PRKG1: variants seen among roughly 807,000 people sequenced by gnomAD.
The protein encoded by PRKG1 is cGMP-dependent protein kinase 1.
PRKG1 carries 35 observed loss-of-function variants against 88.1 expected under a neutral mutation model. That is an observed-to-expected ratio of 0.40 (90% confidence interval 0.30 to 0.53). The LOEUF is 0.53. PRKG1 is among the 20% of genes least tolerant of loss of function. The pLI is 0.59. For synonymous variants in PRKG1, 303 were observed against 292.5 expected, an observed-to-expected ratio of 1.04 and a Z score of -0.37; for missense variants, 540 against 839.8, an observed-to-expected ratio of 0.64 and a Z score of 4.41.
At chr10:52,018,039 A>T (rs2133185143) in intron 5 of PRKG1, among the ~76,000 whole-genome samples, 1 of 151,378 alleles carries the variant, frequency 6.6e-6, no homozygotes, top group Middle Eastern at 3.4e-3. Context: ...CTAATTACGC[A>T]GTATTTTTTG....
intron 4 of PRKG1, among the ~76,000 whole-genome samples, chr10:51,895,606 G>A (rs1841825395): frequency 6.6e-6 from 1 of 152,126 alleles, no homozygotes; most frequent in Non-Finnish European, 1.5e-5. Context: ...GGATCCATCT[G>A]TAGGGCAGTT....
At chr10:52,191,610 C>A (rs1292286615) in intron 9 of PRKG1, among the ~76,000 whole-genome samples, 1 of 152,102 alleles carries the variant, frequency 6.6e-6, no homozygotes. Flanking sequence ...GACTTGTTTT[C>A]TACTTTTTGG....
chr10:51,598,793 T>C (rs1312037836), intron 3 of PRKG1, among the ~76,000 whole-genome samples: 1 of 152,110 alleles, frequency 6.6e-6, no homozygotes, highest in African/African-American at 2.4e-5. Flanking sequence ...GAGGTAGATA[T>C]TGAGATGGTA....
chr10:51,594,967 C>G (rs1057281881), intron 3 of PRKG1, among the ~76,000 whole-genome samples: 2 of 152,116 alleles, frequency 1.3e-5, no homozygotes, highest in African/African-American at 4.8e-5. Context: ...AAGGGTCTTT[C>G]AGTTTTTAAA....
intron 1 of PRKG1, among the ~76,000 whole-genome samples, chr10:51,112,864 T>G (rs1845011490): frequency 6.6e-6 from 1 of 152,210 alleles, no homozygotes; most frequent in African/African-American, 2.4e-5. Flanking sequence ...TAGACTAGTT[T>G]GACATAGTAT....
At chr10:52,276,287 C>T (rs1841873288) in intron 12 of PRKG1, among the ~76,000 whole-genome samples, 1 of 152,076 alleles carries the variant, frequency 6.6e-6, no homozygotes. Flanking sequence ...ATGCTTTCAA[C>T]TTTTCTCCAT....
chr10:51,655,389 A>G (rs909996997), intron 3 of PRKG1, among the ~76,000 whole-genome samples: 2 of 152,172 alleles, frequency 1.3e-5, no homozygotes, highest in African/African-American at 2.4e-5. Flanking sequence ...CTTTGTAAAC[A>G]TTGAATGGTA....
intron 1 of PRKG1, among the ~76,000 whole-genome samples, chr10:51,151,298 A>G (rs550084876): frequency 6.6e-6 from 1 of 152,160 alleles, no homozygotes; most frequent in South Asian, 2.1e-4. Flanking sequence ...TCTTGAGACC[A>G]GGAGTGGTGA....
intron 8 of PRKG1, among the ~76,000 whole-genome samples, chr10:52,142,431 A>G (rs1425823748): frequency 6.6e-6 from 1 of 152,210 alleles, no homozygotes. Context: ...AATAAATCGT[A>G]TGATAGTCCA....
At chr10:51,350,128 A>G (rs1291240585) in intron 2 of PRKG1, among the ~76,000 whole-genome samples, 3 of 152,206 alleles carry the variant, frequency 2.0e-5, no homozygotes, top group East Asian at 1.9e-4. Context: ...TTGCCATATC[A>G]TTCATATAGT....
chr10:51,179,879 A>G (rs1409605293), intron 2 of PRKG1, among the ~76,000 whole-genome samples: 1 of 152,182 alleles, frequency 6.6e-6, no homozygotes, highest in African/African-American at 2.4e-5. Context: ...TGCAAAATGA[A>G]AATAATCATA....
Position 51,714,919 on chromosome 10 carries a change from G to A in PRKG1, c.593-89666G>A, listed in dbSNP as rs576994411. The stretch of plus-strand genomic sequence containing the variant: ...TTTTAAAAATGAGAGTAATCTCTAT[G>A]TGTTCTTATGAAATTATCTCTTATA... On this transcript the variant is annotated intron_variant, in intron 3 of 17. Coordinates refer to ENST00000373980, the MANE Select transcript of PRKG1 (RefSeq NM_006258.4). Among the ~76,000 whole-genome samples, 389 of 152,314 alleles carry A rather than the reference G, an allele frequency of 2.6e-3. 2 individuals carry two copies. The highest frequency in any genetic ancestry group is 3.3e-3 in the Non-Finnish European group (225 of 68,034).
chr10:51,814,008 C>T (rs1039121133), intron 4 of PRKG1, among the ~76,000 whole-genome samples: 2 of 152,172 alleles, frequency 1.3e-5, no homozygotes, highest in Non-Finnish European at 2.9e-5. Flanking sequence ...CATAAGCAGA[C>T]ACCATGATTT....
At chr10:52,113,850 C>T (rs1847624556) in intron 7 of PRKG1, among the ~76,000 whole-genome samples, 1 of 152,132 alleles carries the variant, frequency 6.6e-6, no homozygotes. Context: ...TATTAAGCTA[C>T]AAATTGTATC....
chr10:51,154,721 A>G (rs1168962282), intron 2 of PRKG1, among the ~76,000 whole-genome samples: 3 of 151,998 alleles, frequency 2.0e-5, no homozygotes, highest in African/African-American at 7.2e-5. Context: ...TATGTCAACA[A>G]TATAAAATTC....
intron 8 of PRKG1, among the ~76,000 whole-genome samples, chr10:52,143,498 A>C (rs12247971): frequency 0.24 from 35,958 of 152,112 alleles, 4,506 homozygotes; most frequent in African/African-American, 0.32. Context: ...TAGGAAGGAT[A>C]TAGTCATTAC....
chr10:52,196,967 T>C (rs1839522492), intron 9 of PRKG1, among the ~76,000 whole-genome samples: 1 of 152,164 alleles, frequency 6.6e-6, no homozygotes, highest in Admixed American at 6.5e-5. Flanking sequence ...TCTTAGACAA[T>C]ACTTTAGGCA....
chr10:52,085,346 C>T (rs545944074), intron 7 of PRKG1, among the ~76,000 whole-genome samples: 17 of 149,228 alleles, frequency 1.1e-4, no homozygotes, highest in African/African-American at 3.9e-4. Context: ...TGCAAAAGGA[C>T]GATTTTCTAA....
At chr10:51,833,061 G>A (rs58289711) in intron 4 of PRKG1, among the ~76,000 whole-genome samples, 62,958 of 152,000 alleles carry the variant, frequency 0.41, 14,524 homozygotes, top group Middle Eastern at 0.53. Context: ...CTACTTAAAT[G>A]ATGTTGTGAT....
Sources: gnomAD v4.1 joint callset for allele counts (sites outside exome capture counted in the v4.1 genomes callset) on GRCh38, gnomAD v4.1.1 for gene constraint, MANE v1.5 for transcripts, NCBI Gene and HGNC (gene_info 2026-07-23, HGNC 2026-07-21) for gene names.